The following AHCYL2 variants were observed in gnomAD, a reference collection of about 807,000 sequenced individuals.
AHCYL2 encodes adenosylhomocysteinase like 2, also known as S-adenosylhomocysteine hydrolase-like protein 2.
In AHCYL2, 28 loss-of-function variants were observed where a neutral mutation model predicts 81.4. That is an observed-to-expected ratio of 0.34 (90% confidence interval 0.25 to 0.47). The LOEUF is 0.47. Among genes scored for constraint, AHCYL2 ranks in the 20% least tolerant of loss-of-function variants. The probability of loss-of-function intolerance (pLI) is 1.00; values close to 1 mark genes in which losing one functional copy is unlikely to be tolerated. For missense variants in AHCYL2, 551 were observed against 785.1 expected, an observed-to-expected ratio of 0.70 and a Z score of 3.56; for synonymous variants, 272 against 290.2, an observed-to-expected ratio of 0.94 and a Z score of 0.64.
At chr7:129,328,225 T>C (rs1247706842) in intron 1 of AHCYL2, among the ~76,000 whole-genome samples, 1 of 152,272 alleles carries the variant, frequency 6.6e-6, no homozygotes, top group Non-Finnish European at 1.5e-5. Context: ...TTGCCCAGGC[T>C]GGAGTGCAGT....
chr7:129,271,424 A>G (rs973451806), intron 1 of AHCYL2, among the ~76,000 whole-genome samples: 1 of 152,022 alleles, frequency 6.6e-6, no homozygotes, highest in African/African-American at 2.4e-5. Context: ...CTGAAACTTA[A>G]AATTTGGTGG....
chr7:129,316,633 G>A (rs1195020566), intron 1 of AHCYL2, among the ~76,000 whole-genome samples: 1 of 152,174 alleles, frequency 6.6e-6, no homozygotes, highest in Non-Finnish European at 1.5e-5. Context: ...ATATTTATTA[G>A]CCATGCACAG....
intron 1 of AHCYL2, among the ~76,000 whole-genome samples, chr7:129,306,749 A>G (rs1797457114): frequency 6.6e-6 from 1 of 152,146 alleles, no homozygotes; most frequent in Non-Finnish European, 1.5e-5. Context: ...GGCTTTCCAG[A>G]TATTCAAAGG....
intron 4 of AHCYL2, 103 bp downstream of exon 4, chr7:129,389,837 T>C: frequency 2.3e-6 from 2 of 862,292 alleles, no homozygotes; most frequent in East Asian, 2.8e-5. Context: ...GCTTAACAAG[T>C]ATTAGCTTAT....
At chr7:129,373,082 G>A (rs1474129419) in intron 1 of AHCYL2, among the ~76,000 whole-genome samples, 1 of 151,992 alleles carries the variant, frequency 6.6e-6, no homozygotes, top group Non-Finnish European at 1.5e-5. Flanking sequence ...TTCAACCAGA[G>A]AATTGGAAGC....
intron 1 of AHCYL2, among the ~76,000 whole-genome samples, chr7:129,269,028 C>T (rs1584724898): frequency 6.6e-6 from 1 of 152,072 alleles, no homozygotes; most frequent in African/African-American, 2.4e-5. Flanking sequence ...TATAATTTGC[C>T]TATTCTGGAC....
chr7:129,413,162 GAA>G (rs1462395368), intron 11 of AHCYL2, among the ~76,000 whole-genome samples: 3 of 121,994 alleles, frequency 2.5e-5, no homozygotes, highest in Non-Finnish European at 3.3e-5. Context: ...TTTTTTTTGA[GAA>G]AGAGTCTTGC....
chr7:129,372,428 A>G (rs984631689), intron 1 of AHCYL2, among the ~76,000 whole-genome samples: 2 of 152,164 alleles, frequency 1.3e-5, no homozygotes, highest in Non-Finnish European at 2.9e-5. Context: ...TTTTCTTAAT[A>G]TATTACCTGT....
intron 1 of AHCYL2, among the ~76,000 whole-genome samples, chr7:129,360,983 A>C (rs1374096157): frequency 6.6e-6 from 1 of 152,184 alleles, no homozygotes; most frequent in African/African-American, 2.4e-5. Flanking sequence ...GTAAACTTTT[A>C]CTTTTCAAAG....
intron 12 of AHCYL2, among the ~76,000 whole-genome samples, chr7:129,420,450 T>C (rs1292085877): frequency 1.3e-5 from 2 of 152,012 alleles, no homozygotes; most frequent in African/African-American, 4.8e-5. Flanking sequence ...ATCCTTAACT[T>C]CTCAAAATGG....
chr7:129,410,475 A>G, intron 11 of AHCYL2: 1 of 1,154,028 alleles, frequency 8.7e-7, no homozygotes. Flanking sequence ...TCATTAAACA[A>G]ACACTTCTTG....
At chr7:129,308,632 C>T (rs555887588) in intron 1 of AHCYL2, among the ~76,000 whole-genome samples, 40 of 152,310 alleles carry the variant, frequency 2.6e-4, no homozygotes, top group African/African-American at 9.1e-4. Flanking sequence ...GTGGAGACTT[C>T]TATTCAGCTA....
intron 1 of AHCYL2, among the ~76,000 whole-genome samples, chr7:129,292,327 A>G (rs1796894509): frequency 6.6e-6 from 1 of 152,238 alleles, no homozygotes; most frequent in Non-Finnish European, 1.5e-5. Context: ...ATAAGTCACA[A>G]GCACTATAAT....
chr7:129,344,437 C>G (rs1443662625), intron 1 of AHCYL2, among the ~76,000 whole-genome samples: 1 of 152,140 alleles, frequency 6.6e-6, no homozygotes, highest in Non-Finnish European at 1.5e-5. Flanking sequence ...ACTCATATAA[C>G]AGTATGGATG....
chr7:129,230,807 G>A lies in AHCYL2; in HGVS notation c.363+5368G>A, dbSNP rs151227860. On this transcript the variant is annotated intron_variant, in intron 1 of 16. Coordinates refer to ENST00000325006, the MANE Select transcript of AHCYL2 (RefSeq NM_015328.4). ...AGGCTGGTCGTGAACTTCTGACCTC[G>A]TGATCCACCTGCCTCAGCCTCCCAA... 8.3e-3 allele frequency among the ~76,000 whole-genome samples: 1,265 copies of A among 152,050 alleles called. 10 individuals are homozygous for A. The highest frequency in any genetic ancestry group is 0.027 in the Middle Eastern group (8 of 294).
rs542173895 is a variant in AHCYL2 at position 129,242,992 on chromosome 7, G to A, written c.363+17553G>A. 7.9e-4 allele frequency among the ~76,000 whole-genome samples: 114 copies of A among 144,248 alleles called. 1 individual carries two copies. The highest frequency in any genetic ancestry group is 2.6e-3 in the African/African-American group (101 of 39,074). 94.6% of individuals were successfully genotyped at this position (144,248 alleles called of 152,430 possible). A position where few individuals can be genotyped will look rare whatever the true frequency, so the allele number is the denominator to read the frequency against. On this transcript the variant is annotated intron_variant, in intron 1 of 16. Transcript: ENST00000325006. ...ATTTTTCTGTTGGGATCCCAGTGGC[G>A]TTTTCTTATCGACTATATTGTTTCT... is the stretch of plus-strand genomic sequence containing the variant.
rs1796760903 is a variant in AHCYL2 at position 129,414,686 on chromosome 7, T to C, written c.1461+998T>C. The stretch of plus-strand genomic sequence containing the variant: ...TGCCCACCTCTGCCTCCCAAAGTGC[T>C]GGGATTACAGGCATGAGCCACCACA... On this transcript the variant is annotated intron_variant, in intron 12 of 16. Transcript: ENST00000325006. Among the ~76,000 whole-genome samples, 2 of 152,188 alleles carry C rather than the reference T, an allele frequency of 1.3e-5. 1 individual carries two copies. The highest frequency in any genetic ancestry group is 6.3e-3 in the Middle Eastern group (2 of 316).
chr7:129,398,071 C>T (rs1031582285), intron 5 of AHCYL2, among the ~76,000 whole-genome samples: 9 of 151,916 alleles, frequency 5.9e-5, no homozygotes, highest in African/African-American at 1.7e-4. Flanking sequence ...TGCAGTAGTG[C>T]AGTCGTGTTT....
chr7:129,420,966 G>A (rs890981210), intron 12 of AHCYL2, among the ~76,000 whole-genome samples: 1 of 152,144 alleles, frequency 6.6e-6, no homozygotes, highest in African/African-American at 2.4e-5. Flanking sequence ...TTGATAGTGA[G>A]TGGGCTGGGT....
Sources: gnomAD v4.1 joint callset for allele counts (sites outside exome capture counted in the v4.1 genomes callset) on GRCh38, gnomAD v4.1.1 for gene constraint, MANE v1.5 for transcripts, NCBI Gene and HGNC (gene_info 2026-07-23, HGNC 2026-07-21) for gene names.